MATN2: variants seen among roughly 807,000 people sequenced by gnomAD.
MATN2 encodes matrilin 2, also known as matrilin-2.
MATN2 carries 69 observed loss-of-function variants against 103.2 expected under a neutral mutation model. The ratio of observed to expected loss-of-function variants is 0.67; its 90% CI spans 0.55 to 0.82. MATN2 has a LOEUF of 0.82. MATN2 is among the 40% of genes least tolerant of loss of function. MATN2 has a pLI of 0.00. For missense variants in MATN2, 1,023 were observed against 1,211.5 expected (o/e 0.84, Z 2.31); for synonymous variants, 429 against 450.2 (o/e 0.95, Z 0.60).
rs762420880 is a variant in MATN2, at chr8:98,007,178, C to T, written c.1401C>T (p.Cys467=). 9 of 1,613,848 alleles carry T rather than the reference C, an allele frequency of 5.6e-6. No homozygotes were observed. The highest frequency in any genetic ancestry group is 7.6e-6 in the Non-Finnish European group (9 of 1,179,838). The change falls in exon 9 of 19, where the codon TGC becomes TGT. Residue 467 remains cysteine, a synonymous_variant. Coordinates refer to ENST00000254898, the MANE Select transcript of MATN2 (RefSeq NM_002380.5). This position sits in a 1 kb window ranked among gnomAD's most constrained non-coding sequence, Gnocchi z 4.2. ...TGAACACGGAGGATTCCTTCGTCTG[C>T]CAGTGCTCAGAAGGCTTCCTCATCA... ...LCLNTEDSFV[C]QCSEGFLINE...
intron 4 of MATN2, among the ~76,000 whole-genome samples, chr8:97,949,996 G>A (rs1810889835): frequency 6.6e-6 from 1 of 152,168 alleles, no homozygotes; most frequent in African/African-American, 2.4e-5. Flanking sequence ...GTGGGTGCTT[G>A]GGGCCAAGGA....
At chr8:97,991,863 T>G (rs1812401613) in intron 6 of MATN2, among the ~76,000 whole-genome samples, 1 of 152,212 alleles carries the variant, frequency 6.6e-6, no homozygotes, top group African/African-American at 2.4e-5. Flanking sequence ...CACCCCTGGC[T>G]GAATTTTAAT....
At chr8:97,873,687 C>G (rs1185567646) in intron 1 of MATN2, among the ~76,000 whole-genome samples, 2 of 152,188 alleles carry the variant, frequency 1.3e-5, no homozygotes, top group Non-Finnish European at 2.9e-5. Context: ...GGCTATGGAT[C>G]AAATGCTTCT....
chr8:98,014,646 T>G (rs1048116849), intron 10 of MATN2, among the ~76,000 whole-genome samples: 1 of 152,218 alleles, frequency 6.6e-6, no homozygotes, highest in African/African-American at 2.4e-5. Flanking sequence ...GATTTATTTA[T>G]AAGATTACAA....
At chr8:97,985,449 G>A (rs1433599888) in intron 6 of MATN2, among the ~76,000 whole-genome samples, 2 of 152,112 alleles carry the variant, frequency 1.3e-5, no homozygotes, top group African/African-American at 4.8e-5. Flanking sequence ...ATGCACACCT[G>A]AAGCTATATA....
At chr8:97,984,731 A>C (rs1421401854) in intron 6 of MATN2, among the ~76,000 whole-genome samples, 1 of 152,186 alleles carries the variant, frequency 6.6e-6, no homozygotes, top group African/African-American at 2.4e-5. Flanking sequence ...TATTCATTCC[A>C]CAAATATTTG....
At chr8:98,000,352 AC>A (rs1399545797) in intron 7 of MATN2, among the ~76,000 whole-genome samples, 1 of 151,454 alleles carries the variant, frequency 6.6e-6, no homozygotes, top group Non-Finnish European at 1.5e-5. Context: ...TAATCCCAGC[AC>A]TTTGGGAGGC....
intron 1 of MATN2, among the ~76,000 whole-genome samples, chr8:97,882,909 T>C (rs1026514350): frequency 2.6e-5 from 4 of 152,222 alleles, no homozygotes; most frequent in African/African-American, 7.2e-5. Context: ...TGTTTTCATA[T>C]GTTTATTTTT....
rs569510308 is a variant in MATN2, at chr8:97,982,057, G to C, written c.1081+3049G>C. Among the ~76,000 whole-genome samples, 38 of 152,204 alleles carry C rather than the reference G, an allele frequency of 2.5e-4. No homozygotes were observed. The highest frequency in any genetic ancestry group is 4.9e-4 in the Non-Finnish European group (33 of 68,036). On this transcript the variant is annotated intron_variant, in intron 6 of 18. Coordinates refer to ENST00000254898, the MANE Select transcript of MATN2 (RefSeq NM_002380.5). The surrounding 1 kb of genome is among the most constrained non-coding windows in gnomAD (Gnocchi z 4.3). The stretch of plus-strand genomic sequence containing the variant: ...AATGCGTGTGCAGGGAAGAGTGCTG[G>C]GAGACTGGAGGGTTCGTGCAGGCAG...
chr8:98,021,619 T>C (rs577113140), intron 13 of MATN2, among the ~76,000 whole-genome samples: 2 of 151,860 alleles, frequency 1.3e-5, no homozygotes, highest in South Asian at 2.1e-4. Context: ...TGCTGGAGAA[T>C]TACATTCAGT....
At chr8:97,901,752 G>A (rs1434620818) in intron 2 of MATN2, among the ~76,000 whole-genome samples, 2 of 152,148 alleles carry the variant, frequency 1.3e-5, no homozygotes, top group African/African-American at 4.8e-5. Context: ...AGGCACCATG[G>A]GTGCATAGGA....
intron 6 of MATN2, among the ~76,000 whole-genome samples, chr8:97,991,464 G>C (rs1812384898): frequency 6.6e-6 from 1 of 152,186 alleles, no homozygotes; most frequent in Non-Finnish European, 1.5e-5. Context: ...GCTCACGCCT[G>C]TAATCCTAGC....
intron 2 of MATN2, among the ~76,000 whole-genome samples, chr8:97,908,961 C>T (rs1586402210): frequency 6.6e-6 from 1 of 151,090 alleles, no homozygotes; most frequent in East Asian, 2.0e-4. Context: ...TTTTTTGAGA[C>T]AGGGTCTCAC....
intron 5 of MATN2, among the ~76,000 whole-genome samples, chr8:97,974,992 G>A (rs114455058): frequency 0.01 from 1,531 of 152,304 alleles, 28 homozygotes; most frequent in African/African-American, 0.034. Flanking sequence ...GGTTGATGCA[G>A]TTGGTTCACA....
At chr8:98,016,060 G>C (rs1278582682) in intron 10 of MATN2, among the ~76,000 whole-genome samples, 1 of 151,808 alleles carries the variant, frequency 6.6e-6, no homozygotes, top group East Asian at 1.9e-4. Flanking sequence ...CATGTTTTTT[G>C]TTCATTTTTC....
At chr8:98,014,473 A>C (rs912432852) in intron 10 of MATN2, among the ~76,000 whole-genome samples, 6 of 152,182 alleles carry the variant, frequency 3.9e-5, no homozygotes, top group Non-Finnish European at 7.4e-5. Flanking sequence ...GGCAAACAGG[A>C]GGGTCCAACT....
chr8:97,915,445 A>T (rs1809590379), intron 2 of MATN2, among the ~76,000 whole-genome samples: 1 of 152,220 alleles, frequency 6.6e-6, no homozygotes, highest in Non-Finnish European at 1.5e-5. Flanking sequence ...AACCAAAATG[A>T]TGATAGAATT....
chr8:97,906,209 TA>T (rs1460181630), intron 2 of MATN2, among the ~76,000 whole-genome samples: 1 of 152,190 alleles, frequency 6.6e-6, no homozygotes, highest in Non-Finnish European at 1.5e-5. Context: ...TTATTTTCAT[TA>T]AAAAATATTA....
Position 98,007,460 on chromosome 8 carries a change from C to A in MATN2, c.1451-19C>A, listed in dbSNP as rs189744653. On this transcript the variant is annotated intron_variant, in intron 9 of 18. Transcript: ENST00000254898. The surrounding 1 kb of genome is among the most constrained non-coding windows in gnomAD (Gnocchi z 4.2). ...AGAGGTCTCACTGATAAAGGGCTGC[C>A]TGGCTTTTGGTTTTGCAGGGGTGGA... The A allele has an allele frequency of 1.7e-5, 27 of 1,605,784 alleles. No individual in the cohort carries two copies. The East Asian group carries it at 3.8e-4, about 23-fold the overall frequency.
Sources: gnomAD v4.1 joint callset for allele counts (sites outside exome capture counted in the v4.1 genomes callset) on GRCh38, gnomAD v4.1.1 for gene constraint, Gnocchi (gnomAD v3.1) non-coding constraint, MANE v1.5 for transcripts, NCBI Gene and HGNC (gene_info 2026-07-23, HGNC 2026-07-21) for gene names.